The following VPS4A variants were observed in gnomAD, a reference collection of about 807,000 sequenced individuals.
The protein encoded by VPS4A is vacuolar protein sorting 4 homolog A.
A neutral mutation model predicts 52.3 loss-of-function variants in VPS4A; 20 were observed. The ratio of observed to expected loss-of-function variants is 0.38; its 90% CI spans 0.27 to 0.56. The LOEUF (loss-of-function observed/expected upper bound fraction) is 0.56, where lower values mean the gene tolerates loss of function less well. VPS4A is among the 20% of genes least tolerant of loss of function. The pLI is 0.72. For synonymous variants in VPS4A, 293 were observed against 227.7 expected (o/e 1.29, Z -2.58); for missense variants, 419 against 575.9 (o/e 0.73, Z 2.79).
Position 69,313,985 on chromosome 16 carries a change from C to CTTTTT in VPS4A, c.22-2007_22-2003dup, listed in dbSNP as rs71383985. 2.6e-3 allele frequency among the ~76,000 whole-genome samples: 309 copies of CTTTTT among 118,628 alleles called. 4 individuals are homozygous for CTTTTT. Among genetic ancestry groups the CTTTTT allele is most frequent in the Non-Finnish European group, 4.0e-3 (232 of 57,704 alleles). 77.8% of individuals were successfully genotyped at this position (118,628 alleles called of 152,430 possible). ...GGCTGCCAGAAAAGTCCAGTGCACTCTTTTTTTTTTTTTTTTTTTTGAGAT... is the reference window on the plus strand; with the variant it reads ...GGCTGCCAGAAAAGTCCAGTGCACTCTTTTTTTTTTTTTTTTTTTTTTTTTGAGAT... On this transcript the variant is annotated intron_variant, in intron 1 of 10. Coordinates refer to ENST00000254950, the MANE Select transcript of VPS4A (RefSeq NM_013245.3).
chr16:69,323,409 C>G (rs1450875311), intron 10 of VPS4A: 2 of 283,206 alleles, frequency 7.1e-6, no homozygotes, highest in Non-Finnish European at 1.4e-5. Flanking sequence ...CGTGGCCTCC[C>G]AAAGTGCTGG....
chr16:69,324,385 C>A lies in VPS4A; in HGVS notation c.*76C>A. 7.0e-7 allele frequency: 1 copy of A among 1,435,036 alleles called. No homozygotes were observed. The highest frequency in any genetic ancestry group is 9.7e-7 in the Non-Finnish European group (1 of 1,033,722). 88.9% of individuals were successfully genotyped at this position (1,435,036 alleles called of 1,614,324 possible). Reference sequence around the variant, plus strand: ...TCCAGGCACTCCCCATGTCAACAGCCAGACAGGGCTCCAGGGCTTGTCCCA... The same window carrying A: ...TCCAGGCACTCCCCATGTCAACAGCAAGACAGGGCTCCAGGGCTTGTCCCA... On this transcript the variant is annotated 3_prime_UTR_variant, in exon 11 of 11. Transcript: ENST00000254950.
At chr16:69,311,636 C>G in intron 1 of VPS4A, 104 bp downstream of exon 1, 1 of 1,151,258 alleles carries the variant, frequency 8.7e-7, no homozygotes, top group East Asian at 3.6e-5. Flanking sequence ...CCTCCCAGCC[C>G]CGGCCTCGCG....
intron 9 of VPS4A, 163 bp from the exon 10 acceptor site, chr16:69,322,397 A>G (rs1286509363): frequency 7.9e-6 from 5 of 630,578 alleles, no homozygotes; most frequent in East Asian, 2.9e-5. Context: ...CATGCAAATC[A>G]TGAGTCGCTC....
intron 1 of VPS4A, 131 bp downstream of exon 1, chr16:69,311,663 C>T: frequency 1.0e-6 from 1 of 954,744 alleles, no homozygotes; most frequent in Non-Finnish European, 1.4e-6. Flanking sequence ...CTCCGGCCGC[C>T]CCCTCGCCGC....
chr16:69,321,147 T>C lies in VPS4A; in HGVS notation c.948T>C (p.Asp316=). The change falls in exon 9 of 11, where the codon GAT becomes GAC. Residue 316 remains aspartate, a synonymous_variant. Transcript: ENST00000254950. The surrounding 1 kb of genome is among the most constrained non-coding windows in gnomAD (Gnocchi z 4.5). ...HLGSTPHNLT[D]ANIHELARKT... Reference sequence around the variant, plus strand: ...GGAGCACTCCCCACAACCTCACGGATGCAAACATCCACGAGCTGGCCCGGA... The same window carrying C: ...GGAGCACTCCCCACAACCTCACGGACGCAAACATCCACGAGCTGGCCCGGA... 6.3e-7 allele frequency: 1 copy of C among 1,588,150 alleles called. No homozygotes were observed. The highest frequency in any genetic ancestry group is 8.6e-7 in the Non-Finnish European group (1 of 1,167,678).
chr16:69,322,276 G>C, intron 9 of VPS4A: 1 of 265,994 alleles, frequency 3.8e-6, no homozygotes, highest in East Asian at 7.5e-5. Context: ...AATGTGGGTG[G>C]GGGCACAGCT....
Position 69,319,984 on chromosome 16 carries a change from T to G in VPS4A, c.621-157T>G, listed in dbSNP as rs114721763. On this transcript the variant is annotated intron_variant, in intron 6 of 10. Transcript: ENST00000254950. ...AGGTGTGCTCCTCCTCTTGGTGCAG[T>G]GTGGCCCGAGGGCTCCTCACCACCA... 0.019 allele frequency among the ~76,000 whole-genome samples: 2,862 copies of G among 152,278 alleles called. 89 individuals carry two copies. Among genetic ancestry groups the G allele is most frequent in the African/African-American group, 0.065 (2,684 of 41,540 alleles).
At chr16:69,316,183 C>T (rs753691852) in intron 2 of VPS4A, 42 bp from the exon 3 acceptor site, 10 of 1,612,160 alleles carry the variant, frequency 6.2e-6, no homozygotes, top group East Asian at 4.5e-5. Context: ...GAGGGGGTGG[C>T]GCACGAGCCT....
chr16:69,319,560 G>A lies in VPS4A; in HGVS notation c.620+17G>A. ...GAGTGAAAAGTAAGTCGGCCACCAGGCCATGCTCTGCCAGCAGCCCCGGCA... is the reference window on the plus strand; with the variant it reads ...GAGTGAAAAGTAAGTCGGCCACCAGACCATGCTCTGCCAGCAGCCCCGGCA... On this transcript the variant is annotated intron_variant, in intron 6 of 10. Transcript: ENST00000254950. The A allele has an allele frequency of 6.2e-7, 1 of 1,602,688 alleles. No homozygotes were observed.
rs907434016 is a variant in VPS4A at position 69,324,817 on chromosome 16, C to T, written c.*508C>T. The T allele has an allele frequency of 3.6e-4, 65 of 180,238 alleles. No homozygotes were observed. The highest frequency in any genetic ancestry group is 1.3e-3 in the African/African-American group (55 of 42,914). The allele number at this position is 180,238 out of a possible 1,614,324, so 11.2% of individuals were successfully genotyped here. On this transcript the variant is annotated 3_prime_UTR_variant, in exon 11 of 11. Transcript: ENST00000254950. ...CCCTGCAACCCCAGCCCAAGCTCTG[C>T]CTCAAAGACCGAGTGACATAAGCCA...
rs555087901 is a variant in VPS4A at position 69,319,276 on chromosome 16, G to C, written c.464-111G>C. 1.5e-5 allele frequency: 22 copies of C among 1,471,790 alleles called. No homozygotes were observed. The African/African-American group carries it at 2.9e-4, about 20-fold the overall frequency. 91.2% of individuals were successfully genotyped at this position (1,471,790 alleles called of 1,614,324 possible). ...CATCACTTGTTTGCCAGTAGAGTCC[G>C]TTGTTTCACAGAATGCCCTGTTTTA... is the stretch of plus-strand genomic sequence containing the variant. On this transcript the variant is annotated intron_variant, in intron 5 of 10. Coordinates refer to ENST00000254950, the MANE Select transcript of VPS4A (RefSeq NM_013245.3).
intron 10 of VPS4A, 84 bp from the exon 11 acceptor site, chr16:69,324,124 C>T (rs1965552516): frequency 1.4e-6 from 2 of 1,413,280 alleles, no homozygotes; most frequent in Non-Finnish European, 2.0e-6. Context: ...TCTTCCCACC[C>T]TCAGCTGCGC....
rs751994747 is a variant in VPS4A, at chr16:69,320,254, G to A, written c.734G>A (p.Arg245Gln). The change falls in exon 7 of 11, where the codon CGG becomes CAG. Residue 245 changes from arginine (R) to glutamine (Q), a missense_variant. Coordinates refer to ENST00000254950, the MANE Select transcript of VPS4A (RefSeq NM_013245.3). This position sits in a 1 kb window ranked among gnomAD's most constrained non-coding sequence, Gnocchi z 4.2. Reference sequence around the variant, plus strand: ...AATGAAAATGAGAGTGAGGCCGCCCGGAGGATCAAAACGGAGTTCTTGGTC... The same window carrying A: ...AATGAAAATGAGAGTGAGGCCGCCCAGAGGATCAAAACGGAGTTCTTGGTC... ...SRNENESEAARRIKTEFLVQM... is the reference protein window; with the variant it reads ...SRNENESEAAQRIKTEFLVQM... 12 of 1,613,892 alleles carry A rather than the reference G, an allele frequency of 7.4e-6. No individual in the cohort carries two copies. Among genetic ancestry groups the A allele is most frequent in the Non-Finnish European group, 4.2e-6 (5 of 1,179,856 alleles).
chr16:69,318,955 C>A lies in VPS4A; in HGVS notation c.463+13C>A. ...CACTTGTTCACAGGTGAGAGTTGAGCCATTTCAAACCCCAATGTAAAAATT... is the reference window on the plus strand; with the variant it reads ...CACTTGTTCACAGGTGAGAGTTGAGACATTTCAAACCCCAATGTAAAAATT... On this transcript the variant is annotated intron_variant, in intron 5 of 10. Coordinates refer to ENST00000254950, the MANE Select transcript of VPS4A (RefSeq NM_013245.3). The A allele has an allele frequency of 1.2e-6, 2 of 1,608,654 alleles. No individual in the cohort carries two copies. Among genetic ancestry groups the A allele is most frequent in the Non-Finnish European group, 1.7e-6 (2 of 1,177,764 alleles).
rs1484863163 is a variant in VPS4A, at chr16:69,326,483, G to A, written c.*2174G>A. On this transcript the variant is annotated 3_prime_UTR_variant, in exon 11 of 11. Coordinates refer to ENST00000254950, the MANE Select transcript of VPS4A (RefSeq NM_013245.3). Reference sequence around the variant, plus strand: ...TAGTTACATTTACTTGAATCAGAACGTTGTTTCCTCATTCCTACTGCTTAA... The same window carrying A: ...TAGTTACATTTACTTGAATCAGAACATTGTTTCCTCATTCCTACTGCTTAA... 6.6e-6 allele frequency: 1 copy of A among 152,216 alleles called. No homozygotes were observed. Among genetic ancestry groups the A allele is most frequent in the Admixed American group, 6.5e-5 (1 of 15,280 alleles). 9.4% of individuals were successfully genotyped at this position (152,216 alleles called of 1,614,324 possible). A position where few individuals can be genotyped will look rare whatever the true frequency, so the allele number is the denominator to read the frequency against.
rs1284269541 is a variant in VPS4A at position 69,311,362 on chromosome 16, G to A, written c.-150G>A. On this transcript the variant is annotated 5_prime_UTR_variant, in exon 1 of 11. Transcript: ENST00000254950. Reference sequence around the variant, plus strand: ...GCGCTCCTCGCTTGCCCTCGGACTCGGCTCCCGCTGCGAGCGGCCGCCCTG... The same window carrying A: ...GCGCTCCTCGCTTGCCCTCGGACTCAGCTCCCGCTGCGAGCGGCCGCCCTG... The A allele has an allele frequency of 3.5e-6, 3 of 857,006 alleles. No individual in the cohort carries two copies. Among genetic ancestry groups the A allele is most frequent in the Non-Finnish European group, 3.1e-6 (2 of 647,578 alleles). 53.1% of individuals were successfully genotyped at this position (857,006 alleles called of 1,614,324 possible). A position where few individuals can be genotyped will look rare whatever the true frequency, so the allele number is the denominator to read the frequency against.
chr16:69,313,983 CTCT>C (rs1965407164), intron 1 of VPS4A, among the ~76,000 whole-genome samples: 1 of 129,894 alleles, frequency 7.7e-6, no homozygotes, highest in Non-Finnish European at 1.7e-5. Flanking sequence ...GTCCAGTGCA[CTCT>C]TTTTTTTTTT....
intron 1 of VPS4A, among the ~76,000 whole-genome samples, chr16:69,314,228 A>G (rs1341175398): frequency 6.6e-6 from 1 of 151,928 alleles, no homozygotes; most frequent in Non-Finnish European, 1.5e-5. Flanking sequence ...CCGCGTCCCA[A>G]AGTGCTGGGA....
Sources: allele counts gnomAD v4.1 joint callset (sites outside exome capture counted in the v4.1 genomes callset), GRCh38; gene constraint gnomAD v4.1.1; non-coding constraint Gnocchi (gnomAD v3.1); transcripts MANE v1.5; gene names NCBI Gene and HGNC (gene_info 2026-07-23, HGNC 2026-07-21).